Variants in CDK14 observed in about 807,000 individuals in gnomAD.
The protein encoded by CDK14 is cyclin-dependent kinase 14.
Under a neutral mutation model 60.7 loss-of-function variants are expected in CDK14, and 34 were observed. That is an observed-to-expected ratio of 0.56 (90% confidence interval 0.43 to 0.75). The LOEUF is 0.75. Among genes scored for constraint, CDK14 ranks in the 30% least tolerant of loss-of-function variants. The pLI is 0.00. For missense variants in CDK14, 482 were observed against 564.1 expected (o/e 0.85, Z 1.47); for synonymous variants, 197 against 203.7 (o/e 0.97, Z 0.28).
chr7:90,943,393 G>A (rs1380311720), intron 8 of CDK14, among the ~76,000 whole-genome samples: 2 of 152,132 alleles, frequency 1.3e-5, no homozygotes, highest in African/African-American at 4.8e-5. Flanking sequence ...TATACTGTCT[G>A]CCAAGTGAGC....
At chr7:90,597,837 T>G (rs1454418864) in intron 1 of CDK14, among the ~76,000 whole-genome samples, 1 of 146,792 alleles carries the variant, frequency 6.8e-6, no homozygotes, top group Non-Finnish European at 1.5e-5. Context: ...AGCCAAGTTT[T>G]TTTTTTTTTT....
chr7:90,829,396 C>T (rs781156002), intron 5 of CDK14, among the ~76,000 whole-genome samples: 13 of 152,128 alleles, frequency 8.5e-5, no homozygotes, highest in African/African-American at 1.4e-4. Flanking sequence ...CCTGTAAAAT[C>T]GAAAACAACT....
chr7:90,753,443 A>T (rs547591101), intron 4 of CDK14, among the ~76,000 whole-genome samples: 1 of 152,196 alleles, frequency 6.6e-6, no homozygotes, highest in South Asian at 2.1e-4. Flanking sequence ...ACATCCCTTC[A>T]TGATAAAGAC....
At chr7:90,848,760 A>G (rs1487241341) in intron 5 of CDK14, among the ~76,000 whole-genome samples, 1 of 152,154 alleles carries the variant, frequency 6.6e-6, no homozygotes, top group East Asian at 1.9e-4. Flanking sequence ...CAATCAATGA[A>G]TCTGTATTCA....
chr7:91,053,912 T>C (rs1797471483), intron 11 of CDK14, among the ~76,000 whole-genome samples: 1 of 152,116 alleles, frequency 6.6e-6, no homozygotes, highest in Admixed American at 6.6e-5. Context: ...AGAAGAGTCA[T>C]GTCTGCTCCA....
At chr7:90,618,794 C>T (rs1388327385) in intron 2 of CDK14, among the ~76,000 whole-genome samples, 1 of 152,102 alleles carries the variant, frequency 6.6e-6, no homozygotes, top group Non-Finnish European at 1.5e-5. Flanking sequence ...TTCCTTTTTA[C>T]CATCAGTTGA....
chr7:90,904,914 T>C (rs1792644173), intron 7 of CDK14, among the ~76,000 whole-genome samples: 1 of 152,118 alleles, frequency 6.6e-6, no homozygotes, highest in Non-Finnish European at 1.5e-5. Flanking sequence ...AGCTTGAAAA[T>C]TTGGACACAG....
chr7:90,949,982 C>T (rs1794206538), intron 8 of CDK14, among the ~76,000 whole-genome samples: 1 of 152,210 alleles, frequency 6.6e-6, no homozygotes. Context: ...TGGGTACCCA[C>T]ATCTCATAGT....
chr7:90,955,868 G>A, intron 9 of CDK14, 51 bp downstream of exon 9: 1 of 1,600,326 alleles, frequency 6.2e-7, no homozygotes, highest in Non-Finnish European at 8.5e-7. Flanking sequence ...TGCTTGGTCT[G>A]GGTCAAGCCT....
chr7:90,864,073 A>G (rs1055763155), intron 6 of CDK14, among the ~76,000 whole-genome samples: 5 of 151,904 alleles, frequency 3.3e-5, no homozygotes, highest in Admixed American at 6.6e-5. Flanking sequence ...TTAGGACCCC[A>G]TTTTGTAATT....
At chr7:90,778,683 C>G (rs987297201) in intron 4 of CDK14, among the ~76,000 whole-genome samples, 2 of 152,100 alleles carry the variant, frequency 1.3e-5, no homozygotes, top group African/African-American at 4.8e-5. Context: ...CCCATTTTTT[C>G]TTTCCCTTCC....
At chr7:90,860,814 C>T (rs758036910) in intron 5 of CDK14, among the ~76,000 whole-genome samples, 10 of 152,218 alleles carry the variant, frequency 6.6e-5, no homozygotes, top group South Asian at 2.1e-4. Flanking sequence ...TGAGCCACCA[C>T]GCCTGGCCGC....
At chr7:90,699,253 A>G (rs1801731197) in intron 2 of CDK14, among the ~76,000 whole-genome samples, 1 of 152,208 alleles carries the variant, frequency 6.6e-6, no homozygotes, top group Admixed American at 6.5e-5. Context: ...GAGAACCAAG[A>G]CAAGTACAAG....
At chr7:90,908,350 A>G (rs1443094844) in intron 7 of CDK14, among the ~76,000 whole-genome samples, 1 of 152,094 alleles carries the variant, frequency 6.6e-6, no homozygotes, top group East Asian at 1.9e-4. Context: ...AACAATTTGG[A>G]TCCAGCAAAA....
intron 10 of CDK14, among the ~76,000 whole-genome samples, chr7:91,023,419 G>C (rs1253263187): frequency 6.6e-6 from 1 of 152,092 alleles, no homozygotes; most frequent in Non-Finnish European, 1.5e-5. Context: ...CTGTTGACAA[G>C]ATGAAATAAG....
intron 8 of CDK14, among the ~76,000 whole-genome samples, chr7:90,944,449 A>G (rs1253499695): frequency 6.6e-6 from 1 of 152,224 alleles, no homozygotes. Flanking sequence ...AAATGTGGCC[A>G]TGGCCAGGTG....
intron 5 of CDK14, among the ~76,000 whole-genome samples, chr7:90,805,437 C>G (rs1162579980): frequency 7.6e-5 from 1 of 13,238 alleles, no homozygotes; most frequent in Non-Finnish European, 1.5e-4. Flanking sequence ...ATTTTCTCAA[C>G]ACACACACAC....
At chr7:90,865,291 G>A (rs1437177201) in intron 6 of CDK14, among the ~76,000 whole-genome samples, 1 of 152,106 alleles carries the variant, frequency 6.6e-6, no homozygotes, top group Non-Finnish European at 1.5e-5. Context: ...TTTAGGGTGG[G>A]AAGGTGTAGA....
At chr7:91,199,127 G>C (rs1802639266) in intron 14 of CDK14, among the ~76,000 whole-genome samples, 1 of 152,150 alleles carries the variant, frequency 6.6e-6, no homozygotes, top group Non-Finnish European at 1.5e-5. Flanking sequence ...TCAGTCACTT[G>C]TAAAGGTATG....
Sources: allele counts gnomAD v4.1 joint callset (sites outside exome capture counted in the v4.1 genomes callset), GRCh38; gene constraint gnomAD v4.1.1; transcripts MANE v1.5; gene names NCBI Gene and HGNC (gene_info 2026-07-23, HGNC 2026-07-21).